ALPK3: variants seen among roughly 807,000 people sequenced by gnomAD.
ALPK3 encodes alpha-protein kinase 3.
ALPK3 carries 102 observed loss-of-function variants against 140.0 expected under a neutral mutation model. The ratio of observed to expected loss-of-function variants is 0.73; its 90% confidence interval spans 0.62 to 0.86. The LOEUF (loss-of-function observed/expected upper bound fraction) is 0.86, where lower values mean the gene tolerates loss of function less well. Ranked by LOEUF, ALPK3 falls within the 40% of genes least tolerant of loss-of-function variation. The pLI, the probability that ALPK3 is intolerant of heterozygous loss-of-function variation, is 0.00. For synonymous variants in ALPK3, 938 were observed against 898.5 expected (o/e 1.04, Z -0.79); for missense variants, 2,254 against 2,208.2 (o/e 1.02, Z -0.42).
In ALPK3 at chr15:84,864,517, G is replaced by T. The variant is rs116112514; in HGVS notation, c.4575G>T (p.Lys1525Asn). 5.6e-5 allele frequency: 91 copies of T among 1,614,212 alleles called. No individual in the cohort carries two copies. The highest frequency in any genetic ancestry group is 7.3e-5 in the Non-Finnish European group (86 of 1,180,042). The change falls in exon 12 of 14, where the codon AAG becomes AAT. Residue 1525 changes from lysine to asparagine, a missense_variant. By Grantham distance (94) the Lys-to-Asn change is moderately conservative. Around this residue, in one of 3 missense-constraint regions of ALPK3, gnomAD observed 2,088 missense variants for 2,022.9 expected, o/e 1.03. Transcript: ENST00000258888. ...PYATLEEDLGKPLESYCSREW... is the reference protein window; with the variant it reads ...PYATLEEDLGNPLESYCSREW... ...CTACCCTGGAGGAAGACCTGGGCAA[G>T]CCCCTGGAGTCTTACTGTTCTCGGG...
At chr15:84,855,386 G>A (rs1963849036) in intron 5 of ALPK3, among the ~76,000 whole-genome samples, 1 of 152,140 alleles carries the variant, frequency 6.6e-6, no homozygotes, top group Non-Finnish European at 1.5e-5. Flanking sequence ...TTGGCTTTTG[G>A]CAGCTGTTAT....
chr15:84,862,808 A>G lies in ALPK3; in HGVS notation c.4303A>G (p.Ile1435Val). ...CAAGGTCATCTACGGGCTGGAACCC[A>G]TCTTCGAGTCGGGCCGCACGTGCAT... ...QAKVIYGLEP[I>V]FESGRTCIIK... is the part of the protein sequence containing the mutation. Residue 1435 changes from isoleucine to valine, a missense_variant, in exon 10 of 14, where the codon ATC becomes GTC. This residue lies in a region of ALPK3 where 2,088 missense variants were observed against 2,022.9 expected (regional missense o/e 1.03). Coordinates refer to ENST00000258888, the MANE Select transcript of ALPK3 (RefSeq NM_020778.5). 1 of 1,614,066 alleles carries G rather than the reference A, an allele frequency of 6.2e-7. No homozygotes were observed. Among genetic ancestry groups the G allele is most frequent in the Non-Finnish European group, 8.5e-7 (1 of 1,180,018 alleles).
At chr15:84,859,640 C>T in intron 7 of ALPK3, 136 bp from the exon 8 acceptor site, 11 of 1,379,198 alleles carry the variant, frequency 8.0e-6, no homozygotes, top group Non-Finnish European at 1.1e-5. Context: ...AGCTCTTGGC[C>T]CTGGAATCGC....
At chr15:84,824,996 G>A (rs1024617174) in intron 2 of ALPK3, among the ~76,000 whole-genome samples, 1 of 152,086 alleles carries the variant, frequency 6.6e-6, no homozygotes, top group African/African-American at 2.4e-5. Context: ...GCCTCCAAAT[G>A]TACCCCAAAC....
chr15:84,849,716 A>C (rs1005911669), intron 5 of ALPK3, among the ~76,000 whole-genome samples: 1 of 152,184 alleles, frequency 6.6e-6, no homozygotes, highest in Non-Finnish European at 1.5e-5. Context: ...ATGAAAGTGA[A>C]AATACAACAT....
chr15:84,856,057 T>C (rs999507507), intron 5 of ALPK3, among the ~76,000 whole-genome samples: 2 of 151,922 alleles, frequency 1.3e-5, no homozygotes, highest in Non-Finnish European at 2.9e-5. Flanking sequence ...CTTCATATGG[T>C]AGGGGTGAGG....
At chr15:84,864,924 G>C (rs1963987084) in intron 12 of ALPK3, among the ~76,000 whole-genome samples, 1 of 152,076 alleles carries the variant, frequency 6.6e-6, no homozygotes, top group African/African-American at 2.4e-5. Flanking sequence ...AAGTAAAAAG[G>C]AATTTATTTC....
chr15:84,872,176 C>T lies in ALPK3; in HGVS notation c.*3720C>T, dbSNP rs1964080929. 1 of 152,304 alleles carries T rather than the reference C, an allele frequency of 6.6e-6. No homozygotes were observed. The highest frequency in any genetic ancestry group is 1.5e-5 in the Non-Finnish European group (1 of 68,086). 9.4% of individuals were successfully genotyped at this position (152,304 alleles called of 1,614,324 possible). On this transcript the variant is annotated 3_prime_UTR_variant, in exon 14 of 14. Coordinates refer to ENST00000258888, the MANE Select transcript of ALPK3 (RefSeq NM_020778.5). ...ACACTACGAGGGGCAGCATGGCCAC[C>T]AAGTGTGCCAGGGCCAAGTGTTCAG...
Position 84,857,671 on chromosome 15 carries a change from C to T in ALPK3, c.2933C>T (p.Ala978Val), listed in dbSNP as rs779707847. 2 of 1,606,744 alleles carry T rather than the reference C, an allele frequency of 1.2e-6. No homozygotes were observed. The highest frequency in any genetic ancestry group is 1.7e-6 in the Non-Finnish European group (2 of 1,174,828). ...LKLSSTETSG[A>V]GGESQVGAAT... ...CTGTCCAGCACAGAGACAAGTGGAG[C>T]AGGGGGAGAGTCCCAGGTGGGGGCA... The change falls in exon 6 of 14, where the codon GCA (alanine) becomes GTA (valine). Residue 978 changes from alanine to valine, a missense_variant. By Grantham distance (64) the Ala-to-Val change is moderately conservative (BLOSUM62 0). Around this residue, in one of 3 missense-constraint regions of ALPK3, gnomAD observed 2,088 missense variants for 2,022.9 expected, o/e 1.03. Coordinates refer to ENST00000258888, the MANE Select transcript of ALPK3 (RefSeq NM_020778.5).
At chr15:84,854,553 C>G (rs1047223545) in intron 5 of ALPK3, among the ~76,000 whole-genome samples, 1 of 152,212 alleles carries the variant, frequency 6.6e-6, no homozygotes, top group Non-Finnish European at 1.5e-5. Flanking sequence ...TCCCAAAGTG[C>G]TGAGATTACA....
chr15:84,857,365 CAGCT>C lies in ALPK3; in HGVS notation c.2631_2634del (p.Ser878GlnfsTer27). On this transcript the variant is annotated frameshift_variant, in exon 6 of 14. Coordinates refer to ENST00000258888, the MANE Select transcript of ALPK3 (RefSeq NM_020778.5). LOFTEE classifies it high-confidence loss of function. ...CCTTCTCTTCCTGGAACTGGGCTGA[CAGCT>C]AGCCCAAAGGCGGGGCCGTGTAGCA... 1 of 1,614,154 alleles carries C rather than the reference CAGCT, an allele frequency of 6.2e-7. No individual in the cohort carries two copies. Among genetic ancestry groups the C allele is most frequent in the Non-Finnish European group, 8.5e-7 (1 of 1,180,044 alleles).
intron 6 of ALPK3, 24 bp from the exon 7 acceptor site, chr15:84,859,219 C>T (rs766044337): frequency 3.1e-6 from 5 of 1,613,496 alleles, no homozygotes; most frequent in East Asian, 4.5e-5. Flanking sequence ...TGGTGTTCCC[C>T]TCTTGACTGG....
At position 84,827,312 on chromosome 15, in the gene ALPK3, C is replaced by T. The variant is rs891285; in HGVS notation, c.183-172C>T. 0.011 allele frequency among the ~76,000 whole-genome samples: 1,722 copies of T among 152,286 alleles called. 39 individuals carry two copies. Among genetic ancestry groups the T allele is most frequent in the African/African-American group, 0.04 (1,654 of 41,558 alleles). On this transcript the variant is annotated intron_variant, in intron 2 of 13. Transcript: ENST00000258888. ...CCATTCAACCCCTTGATACCTGGCC[C>T]CAGCCTGGCCAAGAGGCACAAGCTG... is the stretch of plus-strand genomic sequence containing the variant.
In ALPK3 at chr15:84,868,462, G is replaced by A. The variant is rs763347592; in HGVS notation, c.*6G>A. The A allele has an allele frequency of 6.9e-6, 11 of 1,599,598 alleles. No individual in the cohort carries two copies. The highest frequency in any genetic ancestry group is 2.7e-5 in the African/African-American group (2 of 74,716). On this transcript the variant is annotated 3_prime_UTR_variant, in exon 14 of 14. Transcript: ENST00000258888. ...AGGCCCAGGGCATGCGGTAGCCTCC[G>A]CAGAGGCTGGGGGCCTCCACCCAGC...
chr15:84,839,519 C>T (rs1963631649), intron 4 of ALPK3, among the ~76,000 whole-genome samples, 183 bp from the exon 5 acceptor site: 1 of 152,164 alleles, frequency 6.6e-6, no homozygotes, highest in Non-Finnish European at 1.5e-5. Flanking sequence ...TTGCCAGCCT[C>T]AGTTCCCTCA....
In ALPK3 at chr15:84,862,798, G is replaced by T. The variant is rs748265415; in HGVS notation, c.4293G>T (p.Gly1431=). The T allele has an allele frequency of 9.3e-6, 15 of 1,614,126 alleles. No homozygotes were observed. In the East Asian group the frequency reaches 1.1e-4, roughly 12 times the overall value. The change falls in exon 10 of 14, where the codon GGG becomes GGT. Residue 1431 remains glycine (G), a synonymous_variant. Transcript: ENST00000258888. The stretch of plus-strand genomic sequence containing the variant: ...CCTCCCAGGCCAAGGTCATCTACGG[G>T]CTGGAACCCATCTTCGAGTCGGGCC... ...RKASQAKVIY[G]LEPIFESGRT...
Position 84,817,584 on chromosome 15 carries a change from G to T in ALPK3, c.132G>T (p.Arg44=), listed in dbSNP as rs1567084958. 4 of 1,500,678 alleles carry T rather than the reference G, an allele frequency of 2.7e-6. No homozygotes were observed. Among genetic ancestry groups the T allele is most frequent in the Admixed American group, 4.2e-5 (2 of 48,140 alleles). 93.0% of individuals were successfully genotyped at this position (1,500,678 alleles called of 1,614,324 possible). A position where few individuals can be genotyped will look rare whatever the true frequency, so the allele number is the denominator to read the frequency against. ...GCCGGAGCTACCTGCTCAGCGTGCG[G>T]CCCGAGACCAGGTAAGTGGCACCAA... ...PASRSYLLSV[R]PETSLSSNRL... The change falls in exon 1 of 14, where the codon CGG becomes CGT. Residue 44 remains arginine, a synonymous_variant. Coordinates refer to ENST00000258888, the MANE Select transcript of ALPK3 (RefSeq NM_020778.5).
At chr15:84,867,229 A>G in intron 12 of ALPK3, 88 bp from the exon 13 acceptor site, 8 of 1,451,768 alleles carry the variant, frequency 5.5e-6, no homozygotes, top group Non-Finnish European at 7.7e-6. Context: ...ACATGGTTCT[A>G]AGCCACCCAG....
rs767812404 is a variant in ALPK3, at chr15:84,857,417, C to T, written c.2679C>T (p.Ser893=). The change falls in exon 6 of 14, where the codon AGC becomes AGT. Residue 893 remains serine (S), a synonymous_variant. Transcript: ENST00000258888. ...PCSTPTSQHG[S]TATFLPSEDQ... ...GCACCCCGACTTCTCAGCACGGGAG[C>T]ACAGCCACCTTCCTGCCCTCTGAGG... The T allele has an allele frequency of 6.2e-7, 1 of 1,614,086 alleles. No homozygotes were observed. Among genetic ancestry groups the T allele is most frequent in the Middle Eastern group, 1.6e-4 (1 of 6,062 alleles).
Sources: allele counts gnomAD v4.1 joint callset (sites outside exome capture counted in the v4.1 genomes callset), GRCh38; gene constraint gnomAD v4.1.1; regional missense constraint gnomAD v4.1.1; transcripts MANE v1.5; gene names NCBI Gene and HGNC (gene_info 2026-07-23, HGNC 2026-07-21).